Variants in CDK7 observed in about 807,000 individuals in gnomAD.
CDK7 encodes the protein cyclin dependent kinase 7, also known as cyclin-dependent kinase 7.
A neutral mutation model predicts 49.1 loss-of-function variants in CDK7; 25 were observed. That is an observed-to-expected ratio of 0.51 (90% CI 0.37 to 0.71). The LOEUF (loss-of-function observed/expected upper bound fraction) is 0.71, where lower values mean the gene tolerates loss of function less well. Among genes scored for constraint, CDK7 ranks in the 30% least tolerant of loss-of-function variants. CDK7 has a pLI of 0.00. For synonymous variants in CDK7, 107 were observed against 140.0 expected (o/e 0.76, Z 1.67); for missense variants, 316 against 411.7 (o/e 0.77, Z 2.01).
intron 3 of CDK7, 98 bp downstream of exon 3, chr5:69,252,549 A>ACCCAGGCT: frequency 1.4e-6 from 1 of 702,256 alleles, no homozygotes; most frequent in Non-Finnish European, 2.2e-6. Flanking sequence ...TTGCTCTGTC[A>ACCCAGGCT]CCCAGGCTGG....
intron 2 of CDK7, among the ~76,000 whole-genome samples, chr5:69,241,768 T>TC (rs1749407479): frequency 6.6e-6 from 1 of 152,252 alleles, no homozygotes; most frequent in Non-Finnish European, 1.5e-5. Flanking sequence ...TAGATTTTTT[T>TC]CATATAGAGT....
intron 2 of CDK7, among the ~76,000 whole-genome samples, chr5:69,237,584 T>C (rs140183960): frequency 2.0e-5 from 3 of 152,332 alleles, no homozygotes; most frequent in African/African-American, 4.8e-5. Context: ...TCTATGAGTT[T>C]ATTGTCTGTT....
At chr5:69,272,178 T>C (rs1751627379) in intron 9 of CDK7, among the ~76,000 whole-genome samples, 1 of 152,214 alleles carries the variant, frequency 6.6e-6, no homozygotes, top group Admixed American at 6.5e-5. Context: ...TTTTTCACTT[T>C]TTTCAAAAAT....
chr5:69,265,088 C>T (rs2932793), intron 8 of CDK7, among the ~76,000 whole-genome samples: 42,453 of 151,710 alleles, frequency 0.28, 6,525 homozygotes, highest in East Asian at 0.4. Context: ...ACAGTGAAAC[C>T]CCGTCTCTGT....
intron 7 of CDK7, 109 bp downstream of exon 7, chr5:69,260,045 G>A (rs966823304): frequency 9.6e-6 from 7 of 728,644 alleles, no homozygotes; most frequent in African/African-American, 5.3e-5. Context: ...GATAGATACC[G>A]TCTTAAAAAA....
At chr5:69,247,910 G>C (rs1283812894) in intron 2 of CDK7, among the ~76,000 whole-genome samples, 1 of 152,050 alleles carries the variant, frequency 6.6e-6, no homozygotes, top group Non-Finnish European at 1.5e-5. Context: ...GTACTGTCTT[G>C]AAAAATTGTT....
At chr5:69,261,655 C>T (rs1426961103) in intron 7 of CDK7, among the ~76,000 whole-genome samples, 2 of 152,058 alleles carry the variant, frequency 1.3e-5, no homozygotes, top group Non-Finnish European at 2.9e-5. Context: ...CTCAGCCTCC[C>T]AAGTAGCTGG....
At chr5:69,264,525 A>T (rs1256505442) in intron 8 of CDK7, among the ~76,000 whole-genome samples, 1 of 152,110 alleles carries the variant, frequency 6.6e-6, no homozygotes, top group Non-Finnish European at 1.5e-5. Flanking sequence ...ATAAAAAGAT[A>T]GATGGACTAT....
At chr5:69,264,806 AC>A (rs1450192277) in intron 8 of CDK7, among the ~76,000 whole-genome samples, 2 of 151,676 alleles carry the variant, frequency 1.3e-5, no homozygotes, top group Admixed American at 1.3e-4. Context: ...CACTATCTCT[AC>A]TAAAAATGCA....
At chr5:69,249,444 G>A (rs1203052522) in intron 2 of CDK7, among the ~76,000 whole-genome samples, 16 of 152,152 alleles carry the variant, frequency 1.1e-4, no homozygotes, top group Admixed American at 9.8e-4. Flanking sequence ...GGGGGGGTCT[G>A]AGTGGAGAGG....
intron 7 of CDK7, among the ~76,000 whole-genome samples, chr5:69,260,809 A>G (rs1750764034): frequency 6.6e-6 from 1 of 152,096 alleles, no homozygotes; most frequent in Admixed American, 6.6e-5. Flanking sequence ...AGATTTTCAA[A>G]TTCTGTATTT....
At chr5:69,241,545 C>T (rs1190602529) in intron 2 of CDK7, among the ~76,000 whole-genome samples, 4 of 151,754 alleles carry the variant, frequency 2.6e-5, no homozygotes, top group African/African-American at 4.8e-5. Context: ...AGGCTGGTCT[C>T]GAACTCCTGA....
chr5:69,245,084 A>AT (rs943782866), intron 2 of CDK7, among the ~76,000 whole-genome samples: 4 of 151,944 alleles, frequency 2.6e-5, no homozygotes, highest in Non-Finnish European at 4.4e-5. Context: ...GTTTGCTAGT[A>AT]TTTTTTGAGG....
chr5:69,235,194 A>G, intron 1 of CDK7, 153 bp downstream of exon 1: 1 of 793,282 alleles, frequency 1.3e-6, no homozygotes, highest in Non-Finnish European at 2.1e-6. Context: ...CCCATTCTTT[A>G]CATCCTGGGG....
chr5:69,269,166 A>G, intron 8 of CDK7, 41 bp from the exon 9 acceptor site: 1 of 1,351,070 alleles, frequency 7.4e-7, no homozygotes. Context: ...ATTAAAAAAA[A>G]AAAACCCACC....
At chr5:69,244,320 T>G (rs1390422009) in intron 2 of CDK7, among the ~76,000 whole-genome samples, 3 of 152,150 alleles carry the variant, frequency 2.0e-5, no homozygotes, top group Non-Finnish European at 4.4e-5. Context: ...GAATTATCAG[T>G]TCTAGTCGTT....
intron 8 of CDK7, among the ~76,000 whole-genome samples, chr5:69,265,455 A>G (rs779991368): frequency 1.3e-5 from 2 of 152,198 alleles, no homozygotes; most frequent in African/African-American, 4.8e-5. Flanking sequence ...TAGAAAAGAA[A>G]ATAAAGTATT....
intron 2 of CDK7, among the ~76,000 whole-genome samples, chr5:69,246,495 T>G (rs1323482230): frequency 6.6e-6 from 1 of 152,132 alleles, no homozygotes; most frequent in Non-Finnish European, 1.5e-5. Flanking sequence ...TTGGGAGAGA[T>G]CCAAGTGGGC....
chr5:69,261,524 G>GTGTGTGTA (rs150544036), intron 7 of CDK7, among the ~76,000 whole-genome samples: 2 of 86,596 alleles, frequency 2.3e-5, no homozygotes, highest in African/African-American at 6.2e-5. Flanking sequence ...GTGTGTGTGT[G>GTGTGTGTA]TATGTGTGTG....
Sources: allele counts gnomAD v4.1 joint callset (sites outside exome capture counted in the v4.1 genomes callset), GRCh38; gene constraint gnomAD v4.1.1; transcripts MANE v1.5; gene names NCBI Gene and HGNC (gene_info 2026-07-23, HGNC 2026-07-21).